Variants in SOX5 observed in about 807,000 individuals in gnomAD.
The protein encoded by SOX5 is transcription factor SOX-5.
Under a neutral mutation model 92.0 loss-of-function variants are expected in SOX5, and 9 were observed. That is an observed-to-expected ratio of 0.10 (90% CI 0.06 to 0.17). SOX5 has a LOEUF of 0.17. Ranked by LOEUF, SOX5 falls within the 10% of genes least tolerant of loss-of-function variation. The pLI is 1.00. For synonymous variants in SOX5, 344 were observed against 336.3 expected, an observed-to-expected ratio of 1.02 and a Z score of -0.25; for missense variants, 642 against 944.5, an observed-to-expected ratio of 0.68 and a Z score of 4.20.
At chr12:23,721,813 C>G (rs1290111068) in intron 6 of SOX5, among the ~76,000 whole-genome samples, 1 of 152,180 alleles carries the variant, frequency 6.6e-6, no homozygotes, top group Admixed American at 6.5e-5. Flanking sequence ...GTTTAGCCTA[C>G]GTGCACAGGC....
At chr12:23,933,071 C>T (rs1390075992) in intron 1 of SOX5, among the ~76,000 whole-genome samples, 1 of 151,632 alleles carries the variant, frequency 6.6e-6, no homozygotes, top group Non-Finnish European at 1.5e-5. Flanking sequence ...TGTATTAGAT[C>T]CCCTTTTACA....
intron 2 of SOX5, among the ~76,000 whole-genome samples, chr12:24,362,547 C>T (rs774231060): frequency 2.0e-4 from 31 of 152,218 alleles, no homozygotes; most frequent in African/African-American, 2.4e-4. Context: ...ATAAAATGGA[C>T]GATAAAATCA....
chr12:24,185,289 T>G (rs1338191607), intron 4 of SOX5, among the ~76,000 whole-genome samples: 2 of 152,090 alleles, frequency 1.3e-5, no homozygotes, highest in East Asian at 3.8e-4. Flanking sequence ...AGAATAGATA[T>G]CACTTAACAT....
intron 2 of SOX5, among the ~76,000 whole-genome samples, chr12:24,283,371 A>G (rs990400546): frequency 1.3e-5 from 2 of 152,160 alleles, no homozygotes; most frequent in South Asian, 4.1e-4. Flanking sequence ...AGGTCACAAA[A>G]CTTCTCCCAG....
At chr12:23,953,921 G>A (rs1945968992), upstream of SOX5, among the ~76,000 whole-genome samples, 1 of 151,944 alleles carries the variant, frequency 6.6e-6, no homozygotes, top group Non-Finnish European at 1.5e-5. Flanking sequence ...TGTTTCCATT[G>A]CAGATATAAA....
chr12:23,760,221 T>A (rs1403961743), intron 3 of SOX5, among the ~76,000 whole-genome samples: 1 of 152,108 alleles, frequency 6.6e-6, no homozygotes, highest in African/African-American at 2.4e-5. Context: ...GTGGCATATA[T>A]AATTGTTATA....
intron 1 of SOX5, among the ~76,000 whole-genome samples, chr12:24,520,660 T>C (rs577850596): frequency 6.6e-6 from 1 of 152,242 alleles, no homozygotes; most frequent in East Asian, 1.9e-4. Flanking sequence ...TTACCTTAAA[T>C]GTAAATGAGT....
intron 4 of SOX5, among the ~76,000 whole-genome samples, chr12:24,200,593 T>C (rs1366924570): frequency 6.6e-6 from 1 of 152,086 alleles, no homozygotes; most frequent in Non-Finnish European, 1.5e-5. Context: ...TTTTGGCAAA[T>C]GTCAAAGCTA....
At chr12:23,865,328 C>T (rs949838240) in intron 2 of SOX5, among the ~76,000 whole-genome samples, 1 of 152,224 alleles carries the variant, frequency 6.6e-6, no homozygotes, top group Non-Finnish European at 1.5e-5. Flanking sequence ...AATATCCATT[C>T]TGCAGCCCAT....
chr12:24,210,928 A>T (rs372495033), intron 4 of SOX5, among the ~76,000 whole-genome samples: 1 of 152,176 alleles, frequency 6.6e-6, no homozygotes, highest in African/African-American at 2.4e-5. Context: ...GATCCTTAAA[A>T]CATATGAACC....
At chr12:23,723,983 T>C (rs2092973363) in intron 6 of SOX5, among the ~76,000 whole-genome samples, 1 of 152,174 alleles carries the variant, frequency 6.6e-6, no homozygotes, top group South Asian at 2.1e-4. Context: ...TATGCAATAT[T>C]TGCATATGTG....
chr12:23,747,861 C>T (rs930881582), intron 4 of SOX5, among the ~76,000 whole-genome samples: 1 of 151,760 alleles, frequency 6.6e-6, no homozygotes, highest in African/African-American at 2.4e-5. Context: ...CAGGGCAGCT[C>T]CCATGTGCCT....
intron 1 of SOX5, among the ~76,000 whole-genome samples, chr12:24,513,597 G>A (rs1949517562): frequency 6.6e-6 from 1 of 152,152 alleles, no homozygotes; most frequent in Admixed American, 6.5e-5. Context: ...TAATATCGGG[G>A]AACATCGCAA....
chr12:23,734,707 T>C lies in SOX5; in HGVS notation c.787A>G (p.Asn263Asp), dbSNP rs2093522108. 6.2e-7 allele frequency: 1 copy of C among 1,612,976 alleles called. No homozygotes were observed. The highest frequency in any genetic ancestry group is 8.5e-7 in the Non-Finnish European group (1 of 1,179,318). Reference sequence around the variant, plus strand: ...ACCTGGATCTGTTGCTGGAGCAAATTGATTTTGTGTTGTTGCTGTAGAAGC... The same window carrying C: ...ACCTGGATCTGTTGCTGGAGCAAATCGATTTTGTGTTGTTGCTGTAGAAGC... ...QQLLQQQHKI[N>D]LLQQQIQVQG... Residue 263 changes from asparagine to aspartate, a missense_variant, in exon 6 of 15, where the codon AAT becomes GAT. Transcript: ENST00000451604.
At chr12:23,863,261 G>A (rs192239105) in intron 2 of SOX5, among the ~76,000 whole-genome samples, 1 of 152,174 alleles carries the variant, frequency 6.6e-6, no homozygotes, top group East Asian at 1.9e-4. Flanking sequence ...TCTTTATCAT[G>A]ATTAACCTCA....
intron 4 of SOX5, among the ~76,000 whole-genome samples, chr12:24,206,139 C>A (rs1232856964): frequency 6.6e-6 from 1 of 152,138 alleles, no homozygotes; most frequent in Non-Finnish European, 1.5e-5. Context: ...TTAGAAATGA[C>A]AATATCATAT....
chr12:24,231,776 G>A (rs544037908), intron 3 of SOX5, among the ~76,000 whole-genome samples: 3 of 152,182 alleles, frequency 2.0e-5, no homozygotes, highest in African/African-American at 4.8e-5. Flanking sequence ...AAAGCATTAT[G>A]TACTCTACTT....
At chr12:24,350,507 C>T (rs899801482) in intron 2 of SOX5, among the ~76,000 whole-genome samples, 16 of 152,092 alleles carry the variant, frequency 1.1e-4, no homozygotes, top group African/African-American at 3.6e-4. Context: ...CCATGCCCAG[C>T]TAATTTTTGT....
chr12:24,227,309 G>A (rs1448124254), intron 3 of SOX5: 3 of 152,230 alleles, frequency 2.0e-5, no homozygotes, highest in African/African-American at 7.2e-5. Flanking sequence ...AAGGGAAGAG[G>A]AGAGAAATGA....
Sources: allele counts gnomAD v4.1 joint callset (sites outside exome capture counted in the v4.1 genomes callset), GRCh38; gene constraint gnomAD v4.1.1; transcripts MANE v1.5; gene names NCBI Gene and HGNC (gene_info 2026-07-23, HGNC 2026-07-21).